The following GDF15 variants were observed in gnomAD, a reference collection of about 807,000 sequenced individuals.
The protein encoded by GDF15 is growth/differentiation factor 15.
Under a neutral mutation model 8.9 loss-of-function variants are expected in GDF15, and 10 were observed. The ratio of observed to expected loss-of-function variants is 1.12; its 90% CI spans 0.69 to 1.90. GDF15 has a LOEUF of 1.90. Ranked by LOEUF, GDF15 falls within the 40% of genes most tolerant of loss-of-function variation. The probability of loss-of-function intolerance (pLI) is 0.00; values close to 1 mark genes in which losing one functional copy is unlikely to be tolerated. For missense variants in GDF15, 452 were observed against 434.2 expected, an observed-to-expected ratio of 1.04 and a Z score of -0.36; for synonymous variants, 228 against 210.6, an observed-to-expected ratio of 1.08 and a Z score of -0.72.
In GDF15 at chr19:18,389,011, A is replaced by C. The variant is rs998050609; in HGVS notation, c.*76A>C. 26 of 968,254 alleles carry C rather than the reference A, an allele frequency of 2.7e-5. No homozygotes were observed. Among genetic ancestry groups the C allele is most frequent in the Admixed American group, 7.0e-5 (3 of 42,700 alleles). 60.0% of individuals were successfully genotyped at this position (968,254 alleles called of 1,614,324 possible). A position where few individuals can be genotyped will look rare whatever the true frequency, so the allele number is the denominator to read the frequency against. On this transcript the variant is annotated 3_prime_UTR_variant, in exon 2 of 2. Transcript: ENST00000252809. ...TGTCCTGCCCTGTGGAATGGGCTCAAGGTTCCTGAGACACCCGATTCCTGC... is the reference window on the plus strand; with the variant it reads ...TGTCCTGCCCTGTGGAATGGGCTCACGGTTCCTGAGACACCCGATTCCTGC...
At chr19:18,387,599 G>C (rs1040532020) in intron 1 of GDF15, among the ~76,000 whole-genome samples, 2 of 152,078 alleles carry the variant, frequency 1.3e-5, no homozygotes, top group African/African-American at 2.4e-5. Context: ...GGAATCTCAG[G>C]CTGCCTGAAT....
chr19:18,388,332 C>A lies in GDF15; in HGVS notation c.324C>A (p.Ala108=). Residue 108 remains alanine (A), a synonymous_variant, in exon 2 of 2, where the codon GCC becomes GCA. Coordinates refer to ENST00000252809, the MANE Select transcript of GDF15 (RefSeq NM_004864.4). The surrounding 1 kb of genome is among the most constrained non-coding windows in gnomAD (Gnocchi z 4.2). ...ACCTGCACCTGCGTATCTCTCGGGC[C>A]GCCCTTCCCGAGGGGCTCCCCGAGG... ...GGHLHLRISR[A]ALPEGLPEAS... is the part of the protein sequence containing the mutation. 1 of 1,611,062 alleles carries A rather than the reference C, an allele frequency of 6.2e-7. No homozygotes were observed. Among genetic ancestry groups the A allele is most frequent in the Non-Finnish European group, 8.5e-7 (1 of 1,179,758 alleles).
In GDF15 at chr19:18,386,298, C is replaced by G; in HGVS notation, c.109C>G (p.Arg37Gly). The G allele has an allele frequency of 1.2e-6, 2 of 1,614,106 alleles. No individual in the cohort carries two copies. The highest frequency in any genetic ancestry group is 1.7e-5 in the Admixed American group (1 of 60,018). ...GGALSLAEAS[R>G]ASFPGPSELH... ...CGCCCTGTCTCTGGCCGAGGCGAGC[C>G]GCGCAAGTTTCCCGGGACCCTCAGA... is the stretch of plus-strand genomic sequence containing the variant. The change falls in exon 1 of 2, where the codon CGC becomes GGC. Residue 37 changes from arginine (R) to glycine (G), a missense_variant. Coordinates refer to ENST00000252809, the MANE Select transcript of GDF15 (RefSeq NM_004864.4).
At position 18,388,930 on chromosome 19, in the gene GDF15, A is replaced by C; in HGVS notation, c.922A>C (p.Ile308Leu). 1 of 1,601,294 alleles carries C rather than the reference A, an allele frequency of 6.2e-7. No homozygotes were observed. Among genetic ancestry groups the C allele is most frequent in the Non-Finnish European group, 8.5e-7 (1 of 1,174,418 alleles). Residue 308 changes from isoleucine to leucine, a missense_variant, in exon 2 of 2, where the codon ATA (isoleucine) becomes CTA (leucine). Coordinates refer to ENST00000252809, the MANE Select transcript of GDF15 (RefSeq NM_004864.4). This position sits in a 1 kb window ranked among gnomAD's most constrained non-coding sequence, Gnocchi z 4.2. ...CTTGTTAGCCAAAGACTGCCACTGC[A>C]TATGAGCAGTCCTGGTCCTTCCACT... is the stretch of plus-strand genomic sequence containing the variant. ...DDLLAKDCHC[I>L]
chr19:18,386,520 A>C, intron 1 of GDF15, 54 bp downstream of exon 1: 10 of 1,432,204 alleles, frequency 7.0e-6, no homozygotes, highest in South Asian at 1.2e-5. Flanking sequence ...CCCATATCTA[A>C]TCAGGGATTC....
At chr19:18,386,544 GC>G (rs1283257380) in intron 1 of GDF15, 78 bp downstream of exon 1, 1 of 1,248,548 alleles carries the variant, frequency 8.0e-7, no homozygotes, top group African/African-American at 1.5e-5. Flanking sequence ...ATCTTGAAAA[GC>G]CCAGACCTAC....
Position 18,388,255 on chromosome 19 carries a change from G to A in GDF15, c.278-31G>A. On this transcript the variant is annotated intron_variant, in intron 1 of 1. Transcript: ENST00000252809. This position sits in a 1 kb window ranked among gnomAD's most constrained non-coding sequence, Gnocchi z 4.2. ...TTCCTGGAAAACGGTAGGCCTGTGG[G>A]TGACCAGCTTCCCTATCTGTCTTCC... 1.2e-6 allele frequency: 2 copies of A among 1,601,386 alleles called. No individual in the cohort carries two copies. The highest frequency in any genetic ancestry group is 1.7e-6 in the Non-Finnish European group (2 of 1,173,124).
chr19:18,388,470 G>A lies in GDF15; in HGVS notation c.462G>A (p.Ala154=). ...GCCTTGCAAGACCCCAGGCGCCCGC[G>A]CTGCACCTGCGACTGTCGCCGCCGC... The part of the protein sequence containing the change: ...QLSLARPQAP[A]LHLRLSPPPS... The change falls in exon 2 of 2, where the codon GCG becomes GCA. Residue 154 remains alanine (A), a synonymous_variant. Transcript: ENST00000252809. This position sits in a 1 kb window ranked among gnomAD's most constrained non-coding sequence, Gnocchi z 4.2. 1 of 1,607,778 alleles carries A rather than the reference G, an allele frequency of 6.2e-7. No individual in the cohort carries two copies. The highest frequency in any genetic ancestry group is 8.5e-7 in the Non-Finnish European group (1 of 1,178,906).
rs1320197814 is a variant in GDF15 at position 18,386,256 on chromosome 19, T to C, written c.67T>C (p.Trp23Arg). The change falls in exon 1 of 2, where the codon TGG (tryptophan) becomes CGG (arginine). Residue 23 changes from tryptophan (W) to arginine (R), a missense_variant. Trp to Arg is a moderately radical substitution (Grantham distance 101). Transcript: ENST00000252809. ...QMLLVLLVLS[W>R]LPHGGALSLA... ...GCTCCTGGTGTTGCTGGTGCTCTCG[T>C]GGCTGCCGCATGGGGGCGCCCTGTC... 8 of 1,613,878 alleles carry C rather than the reference T, an allele frequency of 5.0e-6. No homozygotes were observed. The highest frequency in any genetic ancestry group is 6.8e-6 in the Non-Finnish European group (8 of 1,180,034).
Position 18,386,372 on chromosome 19 carries a change from G to A in GDF15, c.183G>A (p.Glu61=). The A allele has an allele frequency of 6.2e-7, 1 of 1,614,068 alleles. No individual in the cohort carries two copies. The highest frequency in any genetic ancestry group is 8.5e-7 in the Non-Finnish European group (1 of 1,180,014). The stretch of plus-strand genomic sequence containing the variant: ...TCCGAGAGTTGCGGAAACGCTACGA[G>A]GACCTGCTAACCAGGCTGCGGGCCA... ...SRFRELRKRY[E]DLLTRLRANQ... Residue 61 remains glutamate, a synonymous_variant, in exon 1 of 2, where the codon GAG becomes GAA. Coordinates refer to ENST00000252809, the MANE Select transcript of GDF15 (RefSeq NM_004864.4).
rs538473844 is a variant in GDF15 at position 18,387,813 on chromosome 19, C to CTTTTT, written c.278-451_278-447dup. Among the ~76,000 whole-genome samples the CTTTTT allele has an allele frequency of 1.7e-4, 12 of 70,328 alleles. 1 individual carries two copies. The highest frequency in any genetic ancestry group is 2.4e-4 in the Non-Finnish European group (10 of 42,214). The allele number at this position is 70,328 out of a possible 152,430, so 46.1% of individuals were successfully genotyped here. On this transcript the variant is annotated intron_variant, in intron 1 of 1. Transcript: ENST00000252809. ...CAGGAGATTCAAGGGGAGAAATGCC[C>CTTTTT]TTTTTTTTTTTTTTTTTTTTTTTTT... is the stretch of plus-strand genomic sequence containing the variant.
chr19:18,388,517 T>G lies in GDF15; in HGVS notation c.509T>G (p.Leu170Arg). The G allele has an allele frequency of 6.2e-7, 1 of 1,600,878 alleles. No homozygotes were observed. The highest frequency in any genetic ancestry group is 2.2e-5 in the East Asian group (1 of 44,466). Reference protein sequence around the residue: ...SPPPSQSDQLLAESSSARPQL... With the variant: ...SPPPSQSDQLRAESSSARPQL... ...CCGCCGTCGCAGTCGGACCAACTGCTGGCAGAATCTTCGTCCGCACGGCCC... is the reference window on the plus strand; with the variant it reads ...CCGCCGTCGCAGTCGGACCAACTGCGGGCAGAATCTTCGTCCGCACGGCCC... The change falls in exon 2 of 2, where the codon CTG (leucine) becomes CGG (arginine). Residue 170 changes from leucine to arginine, a missense_variant. By Grantham distance (102) the Leu-to-Arg change is moderately radical. Coordinates refer to ENST00000252809, the MANE Select transcript of GDF15 (RefSeq NM_004864.4). This position sits in a 1 kb window ranked among gnomAD's most constrained non-coding sequence, Gnocchi z 4.2.
At chr19:18,387,608 A>G (rs994111445) in intron 1 of GDF15, among the ~76,000 whole-genome samples, 4 of 152,134 alleles carry the variant, frequency 2.6e-5, no homozygotes, top group African/African-American at 9.7e-5. Context: ...GGCTGCCTGA[A>G]TATCAGATAT....
In GDF15 at chr19:18,388,567, C is replaced by T. The variant is rs552234112; in HGVS notation, c.559C>T (p.Gln187Ter). Residue 187 changes from glutamine to a stop codon, truncating the protein, a stop_gained, in exon 2 of 2, where the codon CAA becomes TAA. Coordinates refer to ENST00000252809, the MANE Select transcript of GDF15 (RefSeq NM_004864.4). LOFTEE classifies it low-confidence loss of function (END_TRUNC). This position sits in a 1 kb window ranked among gnomAD's most constrained non-coding sequence, Gnocchi z 4.2. ...RPQLELHLRPQAARGRRRARA... is the reference protein window; with the variant it reads ...RPQLELHLRP ...CCAGCTGGAGTTGCACTTGCGGCCG[C>T]AAGCCGCCAGGGGGCGCCGCAGAGC... 1.3e-5 allele frequency: 20 copies of T among 1,598,376 alleles called. No homozygotes were observed. In the South Asian group the frequency reaches 1.5e-4, roughly 12 times the overall value.
Position 18,388,997 on chromosome 19 carries a change from G to A in GDF15, c.*62G>A. On this transcript the variant is annotated 3_prime_UTR_variant, in exon 2 of 2. Coordinates refer to ENST00000252809, the MANE Select transcript of GDF15 (RefSeq NM_004864.4). This position sits in a 1 kb window ranked among gnomAD's most constrained non-coding sequence, Gnocchi z 4.2. ...GACGCGACCTCAGTTGTCCTGCCCT[G>A]TGGAATGGGCTCAAGGTTCCTGAGA... 8.3e-7 allele frequency: 1 copy of A among 1,206,636 alleles called. No homozygotes were observed. The highest frequency in any genetic ancestry group is 1.5e-5 in the African/African-American group (1 of 66,320). 74.7% of individuals were successfully genotyped at this position (1,206,636 alleles called of 1,614,324 possible).
In GDF15 at chr19:18,388,579, G is replaced by C; in HGVS notation, c.571G>C (p.Gly191Arg). ...ELHLRPQAAR[G>R]RRRARARNGD... ...GCACTTGCGGCCGCAAGCCGCCAGG[G>C]GGCGCCGCAGAGCGCGTGCGCGCAA... Residue 191 changes from glycine (G) to arginine (R), a missense_variant, in exon 2 of 2, where the codon GGG becomes CGG. Physicochemically the swap from Gly to Arg is moderately radical, Grantham distance 125. Coordinates refer to ENST00000252809, the MANE Select transcript of GDF15 (RefSeq NM_004864.4). The surrounding 1 kb of genome is among the most constrained non-coding windows in gnomAD (Gnocchi z 4.2). 6.2e-7 allele frequency: 1 copy of C among 1,600,212 alleles called. No individual in the cohort carries two copies. The highest frequency in any genetic ancestry group is 8.5e-7 in the Non-Finnish European group (1 of 1,176,706).
At chr19:18,386,694 CTG>C (rs1223116054) in intron 1 of GDF15, 1 of 574,194 alleles carries the variant, frequency 1.7e-6, no homozygotes, top group Non-Finnish European at 3.1e-6. Context: ...AATGGGGAAA[CTG>C]AGGTACAGGG....
In GDF15 at chr19:18,388,473, G is replaced by T; in HGVS notation, c.465G>T (p.Leu155=). The change falls in exon 2 of 2, where the codon CTG becomes CTT. Residue 155 remains leucine, a synonymous_variant. Coordinates refer to ENST00000252809, the MANE Select transcript of GDF15 (RefSeq NM_004864.4). This position sits in a 1 kb window ranked among gnomAD's most constrained non-coding sequence, Gnocchi z 4.2. The stretch of plus-strand genomic sequence containing the variant: ...TTGCAAGACCCCAGGCGCCCGCGCT[G>T]CACCTGCGACTGTCGCCGCCGCCGT... ...LSLARPQAPA[L]HLRLSPPPSQ... The T allele has an allele frequency of 2.5e-6, 4 of 1,607,546 alleles. No homozygotes were observed. Among genetic ancestry groups the T allele is most frequent in the Non-Finnish European group, 3.4e-6 (4 of 1,178,918 alleles).
rs770347715 is a variant in GDF15, at chr19:18,386,246, G to T, written c.57G>T (p.Leu19=). The T allele has an allele frequency of 6.8e-6, 11 of 1,613,692 alleles. No homozygotes were observed. The highest frequency in any genetic ancestry group is 9.3e-6 in the Non-Finnish European group (11 of 1,180,006). ...VNGSQMLLVL[L]VLSWLPHGGA... is the part of the protein sequence containing the mutation. ...GCTCTCAGATGCTCCTGGTGTTGCT[G>T]GTGCTCTCGTGGCTGCCGCATGGGG... Residue 19 remains leucine (L), a synonymous_variant, in exon 1 of 2, where the codon CTG becomes CTT. Coordinates refer to ENST00000252809, the MANE Select transcript of GDF15 (RefSeq NM_004864.4).
Sources: allele counts gnomAD v4.1 joint callset (sites outside exome capture counted in the v4.1 genomes callset), GRCh38; gene constraint gnomAD v4.1.1; non-coding constraint Gnocchi (gnomAD v3.1); transcripts MANE v1.5; gene names NCBI Gene and HGNC (gene_info 2026-07-23, HGNC 2026-07-21).